TENM2: variants seen among roughly 807,000 people sequenced by gnomAD.
TENM2 encodes teneurin-2.
In TENM2, 52 loss-of-function variants were observed where a neutral mutation model predicts 245.2. That is an observed-to-expected ratio of 0.21 (90% CI 0.17 to 0.27). TENM2 has a LOEUF of 0.27. Ranked by LOEUF, TENM2 falls within the 10% of genes least tolerant of loss-of-function variation. The probability of loss-of-function intolerance (pLI) is 1.00; values close to 1 mark genes in which losing one functional copy is unlikely to be tolerated. For synonymous variants in TENM2, 1,363 were observed against 1,438.9 expected (o/e 0.95, Z 1.19); for missense variants, 3,046 against 3,666.8 (o/e 0.83, Z 4.37).
chr5:168,204,694 G>T, intron 19 of TENM2, 73 bp downstream of exon 21: 1 of 1,557,810 alleles, frequency 6.4e-7, no homozygotes, highest in Non-Finnish European at 8.7e-7. Context: ...CGGGTAACTG[G>T]GGCTGCATTT....
chr5:168,165,602 G>A (rs1331701594), intron 13 of TENM2, among the ~76,000 whole-genome samples: 1 of 133,748 alleles, frequency 7.5e-6, no homozygotes, highest in Non-Finnish European at 1.5e-5. Flanking sequence ...CAGGGTCCCC[G>A]GGCCTAAGGG....
At chr5:167,237,387 C>T in the TENM2 span, among the ~76,000 whole-genome samples, 1 of 152,166 alleles carries the variant, frequency 6.6e-6, no homozygotes, top group Non-Finnish European at 1.5e-5. Flanking sequence ...TACTTGCTGG[C>T]CACATTCAAT....
intron 4 of TENM2, among the ~76,000 whole-genome samples, chr5:167,974,977 T>A (rs13359764): frequency 0.059 from 8,952 of 152,288 alleles, 410 homozygotes; most frequent in African/African-American, 0.12. Flanking sequence ...AGGATCCCAG[T>A]TCAAGTCCAA....
chr5:168,213,149 G>C (rs1408328134), intron 20 of TENM2, among the ~76,000 whole-genome samples: 1 of 152,130 alleles, frequency 6.6e-6, no homozygotes, highest in East Asian at 1.9e-4. Context: ...TATATGGATA[G>C]TCTCTAATGA....
intron 2 of TENM2, among the ~76,000 whole-genome samples, chr5:167,614,137 C>T (rs1411765772): frequency 2.0e-5 from 3 of 152,016 alleles, no homozygotes; most frequent in South Asian, 4.1e-4. Flanking sequence ...GGGTACACGC[C>T]GCTACTCAAC....
chr5:167,475,448 A>G (rs10866612), intron 2 of TENM2, among the ~76,000 whole-genome samples: 30,150 of 152,130 alleles, frequency 0.2, 3,317 homozygotes, highest in South Asian at 0.24. Flanking sequence ...TAAATAACAT[A>G]TTTAAAAATT....
intron 7 of TENM2, among the ~76,000 whole-genome samples, chr5:168,076,638 C>G (rs3101761): frequency 0.14 from 20,674 of 152,206 alleles, 1,544 homozygotes; most frequent in Admixed American, 0.22. Context: ...CTGCTGTATC[C>G]CCAGTACACA....
chr5:168,150,306 A>C (rs1443542686), intron 12 of TENM2, among the ~76,000 whole-genome samples: 1 of 152,222 alleles, frequency 6.6e-6, no homozygotes, highest in Non-Finnish European at 1.5e-5. Flanking sequence ...TCATTCAGTA[A>C]ATGTTTGATG....
chr5:168,246,607 A>G (rs984924229), intron 26 of TENM2, 150 bp from the exon 29 acceptor site: 1 of 820,760 alleles, frequency 1.2e-6, no homozygotes, highest in Non-Finnish European at 1.9e-6. Context: ...TGGCATGTCC[A>G]GTGAAATAAA....
At chr5:168,036,591 G>A (rs577566436) in intron 5 of TENM2, among the ~76,000 whole-genome samples, 59 of 146,538 alleles carry the variant, frequency 4.0e-4, no homozygotes, top group Non-Finnish European at 7.6e-4. Context: ...AGCCGAGATC[G>A]CACCATTGCA....
At chr5:167,329,551 C>CAAAAAA (rs34165505) in intron 1 of TENM2, among the ~76,000 whole-genome samples, 433 of 21,858 alleles carry the variant, frequency 0.02, 64 homozygotes, top group African/African-American at 0.022. Context: ...GACTCAGTCT[C>CAAAAAA]AAAAAAAAAA....
intron 1 of TENM2, among the ~76,000 whole-genome samples, chr5:167,360,305 G>A (rs1759628433): frequency 6.6e-6 from 1 of 152,164 alleles, no homozygotes; most frequent in Admixed American, 6.5e-5. Flanking sequence ...AGCCAAAATA[G>A]AAGCTCTGTA....
At chr5:167,430,661 A>T (rs988823628) in intron 2 of TENM2, among the ~76,000 whole-genome samples, 5 of 152,212 alleles carry the variant, frequency 3.3e-5, no homozygotes, top group African/African-American at 1.2e-4. Context: ...AGCAGCAAAA[A>T]TCAAAACAAA....
chr5:167,416,146 C>T (rs914150516), intron 2 of TENM2, among the ~76,000 whole-genome samples: 4 of 152,112 alleles, frequency 2.6e-5, no homozygotes, highest in African/African-American at 7.2e-5. Flanking sequence ...AGGAAGAAAT[C>T]AAAAGTCTCA....
intron 1 of TENM2, among the ~76,000 whole-genome samples, chr5:167,289,886 G>A (rs753895430): frequency 6.6e-6 from 1 of 152,046 alleles, no homozygotes; most frequent in Non-Finnish European, 1.5e-5. Flanking sequence ...TAATTAAAAG[G>A]TTCTAGTTTG....
chr5:167,928,840 G>C (rs1342540900), intron 3 of TENM2, among the ~76,000 whole-genome samples: 1 of 141,650 alleles, frequency 7.1e-6, no homozygotes, highest in Admixed American at 7.3e-5. Flanking sequence ...AGGTTGCAGT[G>C]AGCGGAGTTT....
intron 2 of TENM2, among the ~76,000 whole-genome samples, chr5:167,547,483 T>C (rs948350212): frequency 2.6e-5 from 4 of 152,250 alleles, no homozygotes; most frequent in Non-Finnish European, 5.9e-5. Flanking sequence ...ACCACACTTT[T>C]GTTTTTCGAA....
At chr5:168,158,833 A>G (rs1481117702) in intron 12 of TENM2, among the ~76,000 whole-genome samples, 26 of 78,198 alleles carry the variant, frequency 3.3e-4, no homozygotes, top group African/African-American at 1.0e-3. Flanking sequence ...GTGTGTGTAT[A>G]TATATATATA....
At chr5:167,076,224 A>G in the TENM2 span, among the ~76,000 whole-genome samples, 3 of 152,278 alleles carry the variant, frequency 2.0e-5, no homozygotes, top group South Asian at 6.2e-4. Flanking sequence ...GTAGATTCTT[A>G]TAGTTCTAGG....
Sources: allele counts gnomAD v4.1 joint callset (sites outside exome capture counted in the v4.1 genomes callset), GRCh38; gene constraint gnomAD v4.1.1; transcripts MANE v1.5; gene names NCBI Gene and HGNC (gene_info 2026-07-23, HGNC 2026-07-21).